The following COL4A4 variants were observed in gnomAD, a reference collection of about 807,000 sequenced individuals.
COL4A4 encodes the protein collagen type IV alpha 4 chain, also known as collagen alpha-4(IV) chain.
Under a neutral mutation model 192.9 loss-of-function variants are expected in COL4A4, and 105 were observed. That is an observed-to-expected ratio of 0.54 (90% CI 0.46 to 0.64). The LOEUF is 0.64. Among genes scored for constraint, COL4A4 ranks in the 30% least tolerant of loss-of-function variants. The pLI, the probability that COL4A4 is intolerant of heterozygous loss-of-function variation, is 0.00. For missense variants in COL4A4, 1,967 were observed against 2,169.3 expected, an observed-to-expected ratio of 0.91 and a Z score of 1.85; for synonymous variants, 762 against 769.9, an observed-to-expected ratio of 0.99 and a Z score of 0.17.
At chr2:227,134,371 A>G (rs934449189) in intron 4 of COL4A4, among the ~76,000 whole-genome samples, 2 of 152,188 alleles carry the variant, frequency 1.3e-5, no homozygotes, top group African/African-American at 4.8e-5. Flanking sequence ...AAAAAAGCAA[A>G]CCCAACAAGC....
chr2:227,006,785 ATC>A lies in COL4A4; in HGVS notation c.*538_*539del, dbSNP rs1361715534. 3 of 154,394 alleles carry A rather than the reference ATC, an allele frequency of 1.9e-5. No homozygotes were observed. The highest frequency in any genetic ancestry group is 2.9e-5 in the Non-Finnish European group (2 of 69,636). 9.6% of individuals were successfully genotyped at this position (154,394 alleles called of 1,614,324 possible). ...TTTTTTTTTTCTTCTTTAAAAAAAA[ATC>A]TCTCTTTGCGTCATGGTTTTACCAT... On this transcript the variant is annotated 3_prime_UTR_variant, in exon 48 of 48. Coordinates refer to ENST00000396625, the MANE Select transcript of COL4A4 (RefSeq NM_000092.5).
chr2:227,130,670 G>A (rs73082250), intron 4 of COL4A4, among the ~76,000 whole-genome samples: 2,565 of 151,926 alleles, frequency 0.017, 66 homozygotes, highest in African/African-American at 0.059. Context: ...CAATCCCTCC[G>A]TGTCCCTCCC....
At chr2:227,010,699 C>A (rs1252842410) in intron 45 of COL4A4, among the ~76,000 whole-genome samples, 198 bp from the exon 46 acceptor site, 2 of 152,146 alleles carry the variant, frequency 1.3e-5, no homozygotes, top group Admixed American at 1.3e-4. Flanking sequence ...AGTATTTGTT[C>A]CAAGCAACTC....
At position 227,008,079 on chromosome 2, in the gene COL4A4, T is replaced by C; in HGVS notation, c.4748A>G (p.Gln1583Arg). Residue 1583 changes from glutamine (Q) to arginine (R), a missense_variant, in exon 47 of 48, where the codon CAG (glutamine) becomes CGG (arginine). Transcript: ENST00000396625. ...AQAVAVHSQD[Q>R]SIPPCPQTWR... ...GGTCTGCGGACATGGGGGGATGGAC[T>C]GGTCCTGGCTGTGCACCGCCACCGC... 6.2e-7 allele frequency: 1 copy of C among 1,614,104 alleles called. No individual in the cohort carries two copies.
chr2:227,139,788 T>C (rs1225024242), intron 4 of COL4A4, among the ~76,000 whole-genome samples: 1 of 152,234 alleles, frequency 6.6e-6, no homozygotes, highest in African/African-American at 2.4e-5. Context: ...TGGTCAACTG[T>C]CTGGAAAGAC....
chr2:227,025,919 CATA>C (rs1172564772), intron 42 of COL4A4, 109 bp from the exon 43 acceptor site: 5 of 980,780 alleles, frequency 5.1e-6, no homozygotes, highest in Non-Finnish European at 7.9e-6. Context: ...TAAGAACATA[CATA>C]ATAATTTGAG....
rs2125068630 is a variant in COL4A4 at position 227,123,619 on chromosome 2, T to A, written c.193-2471A>T. ...GAAGGGAGTGGGGGTATTTATCTCC[T>A]TGGCTGAGGGCCCTGGTGATGGGTA... On this transcript the variant is annotated intron_variant, in intron 4 of 47. Transcript: ENST00000396625. The surrounding 1 kb of genome is among the most constrained non-coding windows in gnomAD (Gnocchi z 4.6). Among the ~76,000 whole-genome samples the A allele has an allele frequency of 6.6e-6, 1 of 152,292 alleles. No individual in the cohort carries two copies. The highest frequency in any genetic ancestry group is 3.4e-3 in the Middle Eastern group (1 of 294).
chr2:227,043,143 G>A lies in COL4A4; in HGVS notation c.3331C>T (p.Gln1111Ter). 2 of 1,614,132 alleles carry A rather than the reference G, an allele frequency of 1.2e-6. No homozygotes were observed. Among genetic ancestry groups the A allele is most frequent in the Non-Finnish European group, 1.7e-6 (2 of 1,180,016 alleles). ...ASGEQGLPGI[Q>*]GPRGSPGRPG... is the part of the protein sequence containing the mutation. ...CTTCCAGGTGATCCTCTGGGCCCTT[G>A]AATACCAGGCAAGCCCTGCTCTCCG... Residue 1111 changes from glutamine (Q) to a stop codon, truncating the protein, a stop_gained, in exon 36 of 48, where the codon CAA (glutamine) becomes TAA (stop). Coordinates refer to ENST00000396625, the MANE Select transcript of COL4A4 (RefSeq NM_000092.5). LOFTEE classifies it high-confidence loss of function.
At chr2:226,985,030 A>T in the COL4A4 span, among the ~76,000 whole-genome samples, 1 of 152,120 alleles carries the variant, frequency 6.6e-6, no homozygotes, top group Non-Finnish European at 1.5e-5. Context: ...GTACCACCTG[A>T]TTAGGCCTAA....
At chr2:227,148,318 G>T (rs2063687624) in intron 1 of COL4A4, among the ~76,000 whole-genome samples, 1 of 152,206 alleles carries the variant, frequency 6.6e-6, no homozygotes, top group Admixed American at 6.5e-5. Flanking sequence ...GTATTATTCA[G>T]CCATGAAAAG....
At chr2:227,033,673 T>C (rs1167096283) in intron 37 of COL4A4, among the ~76,000 whole-genome samples, 192 bp from the exon 38 acceptor site, 4 of 152,242 alleles carry the variant, frequency 2.6e-5, no homozygotes, top group Admixed American at 1.3e-4. Context: ...GTAAAGATTT[T>C]CTGCCAAGAC....
intron 37 of COL4A4, among the ~76,000 whole-genome samples, chr2:227,035,813 G>C (rs766654314): frequency 6.6e-6 from 1 of 152,086 alleles, no homozygotes; most frequent in Non-Finnish European, 1.5e-5. Flanking sequence ...TTGGGGACTT[G>C]GCTGGGGTGG....
chr2:227,122,458 A>C (rs532843463), intron 4 of COL4A4, among the ~76,000 whole-genome samples: 1 of 152,248 alleles, frequency 6.6e-6, no homozygotes, highest in African/African-American at 2.4e-5. Flanking sequence ...GGTTTAGGAG[A>C]TATCTGCTCA....
At chr2:227,162,039 G>T (rs1300772997) in intron 1 of COL4A4, among the ~76,000 whole-genome samples, 1 of 152,178 alleles carries the variant, frequency 6.6e-6, no homozygotes, top group African/African-American at 2.4e-5. Flanking sequence ...CCTGAGGTGG[G>T]TATGGTGAGT....
intron 20 of COL4A4, among the ~76,000 whole-genome samples, chr2:227,090,303 C>G (rs1175444048): frequency 6.6e-6 from 1 of 152,074 alleles, no homozygotes; most frequent in East Asian, 1.9e-4. Context: ...GATATTCCCC[C>G]ACTCAGTGAT....
intron 35 of COL4A4, among the ~76,000 whole-genome samples, chr2:227,047,206 C>T (rs747731211): frequency 1.1e-4 from 17 of 151,858 alleles, no homozygotes; most frequent in Admixed American, 2.6e-4. Flanking sequence ...TATGGGCATG[C>T]CTGGGGAGTT....
chr2:227,059,960 T>G (rs1375991534), intron 27 of COL4A4, among the ~76,000 whole-genome samples, 176 bp downstream of exon 27: 1 of 152,038 alleles, frequency 6.6e-6, no homozygotes, highest in Non-Finnish European at 1.5e-5. Context: ...AAAATTATAA[T>G]CTGAAAGTTA....
At position 227,006,261 on chromosome 2, in the gene COL4A4, C is replaced by G. The variant is rs560936685; in HGVS notation, c.*1064G>C. ...GCATAATGATAGCTCTGTCACGTCC[C>G]TGTGTGAGCTGCCATTATGTGTGTG... On this transcript the variant is annotated 3_prime_UTR_variant, in exon 48 of 48. Coordinates refer to ENST00000396625, the MANE Select transcript of COL4A4 (RefSeq NM_000092.5). The G allele has an allele frequency of 4.0e-4, 61 of 152,726 alleles. No homozygotes were observed. The highest frequency in any genetic ancestry group is 1.4e-3 in the African/African-American group (58 of 41,568). 9.5% of individuals were successfully genotyped at this position (152,726 alleles called of 1,614,324 possible). A position where few individuals can be genotyped will look rare whatever the true frequency, so the allele number is the denominator to read the frequency against.
At chr2:227,091,269 TATAG>T (rs1259458731) in intron 20 of COL4A4, among the ~76,000 whole-genome samples, 3 of 150,182 alleles carry the variant, frequency 2.0e-5, no homozygotes, top group Non-Finnish European at 2.9e-5. Context: ...TAGATATAGA[TATAG>T]ATATAGATAT....
Sources: allele counts gnomAD v4.1 joint callset (sites outside exome capture counted in the v4.1 genomes callset), GRCh38; gene constraint gnomAD v4.1.1; non-coding constraint Gnocchi (gnomAD v3.1); transcripts MANE v1.5; gene names NCBI Gene and HGNC (gene_info 2026-07-23, HGNC 2026-07-21).